The following SPAG11B variants were observed in gnomAD, a reference collection of about 807,000 sequenced individuals.
The protein encoded by SPAG11B is sperm-associated antigen 11B.
SPAG11B carries 5 observed loss-of-function variants against 8.9 expected under a neutral mutation model. The ratio of observed to expected loss-of-function variants is 0.56; its 90% CI spans 0.29 to 1.19. The LOEUF is 1.19. SPAG11B is among the 50% of genes most tolerant of loss of function. The probability of loss-of-function intolerance (pLI) is 0.08; values close to 1 mark genes in which losing one functional copy is unlikely to be tolerated. For missense variants in SPAG11B, 38 were observed against 146.4 expected (o/e 0.26, Z 3.82); for synonymous variants, 12 against 53.0 (o/e 0.23, Z 3.36).
Position 7,453,269 on chromosome 8 carries a change from C to G in SPAG11B, c.215-2369G>C, listed in dbSNP as rs1481198124. On this transcript the variant is annotated intron_variant, in intron 2 of 2. Coordinates refer to ENST00000398462, the MANE Select transcript of SPAG11B (RefSeq NM_058201.4). ...ATATAATGTGTGGTATTAAAACACA[C>G]AGTGGATAAATCTGCACATTTTGCC... Among the ~76,000 whole-genome samples the G allele has an allele frequency of 2.1e-5, 3 of 143,684 alleles. No homozygotes were observed. In the East Asian group the frequency reaches 6.1e-4, roughly 29 times the overall value. The allele number at this position is 143,684 out of a possible 152,430, so 94.3% of individuals were successfully genotyped here. A position where few individuals can be genotyped will look rare whatever the true frequency, so the allele number is the denominator to read the frequency against.
downstream of SPAG11B, among the ~76,000 whole-genome samples, chr8:7,449,780 G>GCAGCGACA (rs1472835831): frequency 2.1e-5 from 3 of 144,114 alleles, no homozygotes; most frequent in African/African-American, 8.1e-5. Context: ...CTGGACTCAG[G>GCAGCGACA]CAGCGACAGA....
downstream of SPAG11B, among the ~76,000 whole-genome samples, chr8:7,448,440 T>G (rs1306909510): frequency 2.0e-5 from 3 of 152,114 alleles, no homozygotes; most frequent in African/African-American, 7.3e-5. Context: ...AAGAGCGTTT[T>G]GGGGATTCTG....
rs1287052983 is a variant in SPAG11B, at chr8:7,450,991, C to T, written c.215-91G>A. ...AGCCCGCTGCCAAGGGTTATATATTCTGACAAGGCTAAGTACTTTTGGACA... is the reference window on the plus strand; with the variant it reads ...AGCCCGCTGCCAAGGGTTATATATTTTGACAAGGCTAAGTACTTTTGGACA... On this transcript the variant is annotated intron_variant, in intron 2 of 2. Coordinates refer to ENST00000398462, the MANE Select transcript of SPAG11B (RefSeq NM_058201.4). 4.5e-5 allele frequency: 69 copies of T among 1,522,248 alleles called. 6 individuals carry two copies. Among genetic ancestry groups the T allele is most frequent in the Non-Finnish European group, 6.0e-5 (68 of 1,125,542 alleles). 94.3% of individuals were successfully genotyped at this position (1,522,248 alleles called of 1,614,324 possible).
intron 2 of SPAG11B, 199 bp from the exon 3 acceptor site, chr8:7,451,099 T>A: frequency 6.5e-7 from 1 of 1,534,574 alleles, no homozygotes; most frequent in Non-Finnish European, 8.9e-7. Context: ...AGGAGGATGA[T>A]AGGGTGTGTT....
At chr8:7,462,968 G>T (rs1300416522) in intron 1 of SPAG11B, 109 bp from the exon 2 acceptor site, 2 of 1,464,406 alleles carry the variant, frequency 1.4e-6, no homozygotes, top group African/African-American at 2.9e-5. Context: ...GGGTGATTGG[G>T]TGGGGGAGTT....
downstream of SPAG11B, among the ~76,000 whole-genome samples, chr8:7,448,786 C>CCCCTTCCCTTCCCTTCCCTTCCCTT (rs773065371): frequency 5.6e-3 from 703 of 126,592 alleles, 4 homozygotes; most frequent in Admixed American, 0.017. Flanking sequence ...CCCCTCTCCT[C>CCCCTTCCCTTCCCTTCCCTTCCCTT]CCCTTCCCTT....
chr8:7,451,512 GCAA>G, intron 2 of SPAG11B, among the ~76,000 whole-genome samples: 1 of 80,804 alleles, frequency 1.2e-5, no homozygotes, highest in African/African-American at 4.3e-5. Flanking sequence ...AACAACAGCA[GCAA>G]CAACAACAGC....
At chr8:7,451,745 T>A (rs1157463893) in intron 2 of SPAG11B, among the ~76,000 whole-genome samples, 1 of 151,362 alleles carries the variant, frequency 6.6e-6, no homozygotes, top group Non-Finnish European at 1.5e-5. Flanking sequence ...AATATCTCAT[T>A]ATGTCTCCTT....
At chr8:7,458,599 G>A (rs1305236448) in intron 2 of SPAG11B, among the ~76,000 whole-genome samples, 172 of 81,108 alleles carry the variant, frequency 2.1e-3, no homozygotes, top group African/African-American at 7.6e-3. Flanking sequence ...GAGAAAGAAA[G>A]GGACTATTTG....
intron 2 of SPAG11B, among the ~76,000 whole-genome samples, chr8:7,451,447 G>T (rs1456113525): frequency 1.6e-5 from 2 of 123,706 alleles, no homozygotes; most frequent in Non-Finnish European, 3.4e-5. Context: ...TTGAAAGAAA[G>T]ATCTTACTTA....
intron 2 of SPAG11B, among the ~76,000 whole-genome samples, chr8:7,462,345 C>G (rs1243608268): frequency 6.9e-6 from 1 of 145,820 alleles, no homozygotes; most frequent in Non-Finnish European, 1.5e-5. Flanking sequence ...TGAACGGGAA[C>G]GACCTCCAAA....
chr8:7,453,643 C>A (rs1810324482), intron 2 of SPAG11B, among the ~76,000 whole-genome samples: 1 of 150,292 alleles, frequency 6.7e-6, no homozygotes, highest in African/African-American at 2.5e-5. Flanking sequence ...CATATCTCAC[C>A]ATGAGTCTTA....
At chr8:7,453,258 A>G (rs1312746580) in intron 2 of SPAG11B, among the ~76,000 whole-genome samples, 2 of 143,644 alleles carry the variant, frequency 1.4e-5, no homozygotes, top group African/African-American at 2.8e-5. Context: ...AATGTGTGGT[A>G]TTAAAACACA....
intron 2 of SPAG11B, chr8:7,451,169 G>T (rs796617764): frequency 1.3e-6 from 2 of 1,559,630 alleles, no homozygotes; most frequent in Non-Finnish European, 1.7e-6. Flanking sequence ...CCTAAATGAG[G>T]GTCCTCGAGC....
rs773233807 is a variant in SPAG11B, at chr8:7,450,943, T to C, written c.215-43A>G. The C allele has an allele frequency of 5.8e-6, 9 of 1,545,286 alleles. 1 individual carries two copies. The South Asian group carries it at 1.0e-4, about 18-fold the overall frequency. On this transcript the variant is annotated intron_variant, in intron 2 of 2. Transcript: ENST00000398462. ...GAGAGTTGACATTTAACTCATATAG[T>C]GCAGAGAATAGAAGATGACCCCAGC...
downstream of SPAG11B, among the ~76,000 whole-genome samples, chr8:7,450,101 G>T (rs1331409179): frequency 7.9e-6 from 1 of 126,308 alleles, no homozygotes; most frequent in African/African-American, 3.2e-5. Flanking sequence ...TGCCATTTAT[G>T]AATTGCTAGC....
chr8:7,450,316 A>G (rs1158259592), downstream of SPAG11B, among the ~76,000 whole-genome samples: 1 of 146,836 alleles, frequency 6.8e-6, no homozygotes, highest in Non-Finnish European at 1.5e-5. Context: ...GAAAAGGGAT[A>G]AGGTGCATTA....
At chr8:7,453,230 T>G (rs1810289851) in intron 2 of SPAG11B, among the ~76,000 whole-genome samples, 1 of 143,452 alleles carries the variant, frequency 7.0e-6, no homozygotes, top group Non-Finnish European at 1.5e-5. Flanking sequence ...CACGATATTT[T>G]TGTGTGTGGG....
chr8:7,450,843 CT>C lies in SPAG11B; in HGVS notation c.271del (p.Arg91AspfsTer46), dbSNP rs1810090461. The C allele has an allele frequency of 6.3e-7, 1 of 1,599,804 alleles. No homozygotes were observed. The highest frequency in any genetic ancestry group is 1.4e-5 in the African/African-American group (1 of 71,174). On this transcript the variant is annotated frameshift_variant, in exon 3 of 3. Coordinates refer to ENST00000398462, the MANE Select transcript of SPAG11B (RefSeq NM_058201.4). LOFTEE classifies it high-confidence loss of function. ...TICHMQQGIC[R>X]LFFCHSGEKK... ...CTCACCAGAATGGCAGAAAAAAAGT[CT>C]GCAGATCCCTTGCTGCATATGGCAG...
Sources: gnomAD v4.1 joint callset for allele counts (sites outside exome capture counted in the v4.1 genomes callset) on GRCh38, gnomAD v4.1.1 for gene constraint, MANE v1.5 for transcripts, NCBI Gene and HGNC (gene_info 2026-07-23, HGNC 2026-07-21) for gene names.